The following SMIM19 variants were observed in gnomAD, a reference collection of about 807,000 sequenced individuals.
The protein encoded by SMIM19 is UPF0697 protein C8orf40.
In SMIM19, 6 loss-of-function variants were observed where a neutral mutation model predicts 13.2. That is an observed-to-expected ratio of 0.45 (90% CI 0.25 to 0.90). SMIM19 has a LOEUF of 0.90. Ranked by LOEUF, SMIM19 falls within the 40% of genes least tolerant of loss-of-function variation. SMIM19 has a pLI of 0.19. For missense variants in SMIM19, 138 were observed against 131.0 expected, an observed-to-expected ratio of 1.05 and a Z score of -0.26; for synonymous variants, 46 against 43.1, an observed-to-expected ratio of 1.07 and a Z score of -0.27.
At chr8:42,543,227 G>T (rs1423018812) in intron 1 of SMIM19, among the ~76,000 whole-genome samples, 1 of 152,196 alleles carries the variant, frequency 6.6e-6, no homozygotes, top group Non-Finnish European at 1.5e-5. Flanking sequence ...AGGTGTATGT[G>T]TGTACACTTG....
intron 2 of SMIM19, 185 bp from the exon 3 acceptor site, chr8:42,548,471 A>G (rs1359651693): frequency 1.4e-6 from 1 of 705,302 alleles, no homozygotes; most frequent in East Asian, 3.1e-5. Context: ...TCACAGCCTC[A>G]TACTTTTTAG....
intron 2 of SMIM19, 184 bp from the exon 3 acceptor site, chr8:42,548,472 T>A: frequency 1.4e-6 from 1 of 708,482 alleles, no homozygotes; most frequent in Non-Finnish European, 2.4e-6. Flanking sequence ...CACAGCCTCA[T>A]ACTTTTTAGT....
chr8:42,544,150 G>C (rs1056884473), intron 1 of SMIM19, among the ~76,000 whole-genome samples: 10 of 151,158 alleles, frequency 6.6e-5, no homozygotes, highest in Admixed American at 6.6e-4. Flanking sequence ...GGTGGCTCAC[G>C]CTTGTAATCC....
chr8:42,541,380 C>T (rs1206901659), upstream of SMIM19: 1 of 147,476 alleles, frequency 6.8e-6, no homozygotes, highest in Non-Finnish European at 1.5e-5. Flanking sequence ...GCCGGGGGCT[C>T]GCGGGAGGCG....
intron 2 of SMIM19, 159 bp from the exon 3 acceptor site, chr8:42,548,497 T>C (rs1407905536): frequency 1.1e-6 from 1 of 870,518 alleles, no homozygotes; most frequent in Admixed American, 2.0e-5. Flanking sequence ...GAAAGAATAC[T>C]TTGAGCCAAG....
intron 2 of SMIM19, among the ~76,000 whole-genome samples, chr8:42,547,602 G>GT (rs1259925954): frequency 7.9e-5 from 12 of 152,152 alleles, no homozygotes; most frequent in East Asian, 1.9e-4. Context: ...GCTTTTCCTT[G>GT]TTTTTTGTGC....
chr8:42,548,386 T>G, intron 2 of SMIM19: 1 of 511,226 alleles, frequency 2.0e-6, no homozygotes, highest in Non-Finnish European at 3.8e-6. Flanking sequence ...ATATTTGGCT[T>G]TTGGAGGATT....
At chr8:42,546,147 A>G (rs2131491226) in intron 1 of SMIM19, among the ~76,000 whole-genome samples, 1 of 152,346 alleles carries the variant, frequency 6.6e-6, no homozygotes, top group South Asian at 2.1e-4. Flanking sequence ...AATCATCTCT[A>G]AGCACTTACA....
At chr8:42,544,748 A>G (rs984111744) in intron 1 of SMIM19, among the ~76,000 whole-genome samples, 1 of 152,246 alleles carries the variant, frequency 6.6e-6, no homozygotes, top group Admixed American at 6.5e-5. Context: ...TGACAAAGTC[A>G]CGTTGTCAGA....
chr8:42,543,345 C>G (rs1381492876), intron 1 of SMIM19, among the ~76,000 whole-genome samples: 2 of 152,118 alleles, frequency 1.3e-5, no homozygotes, highest in Admixed American at 6.5e-5. Context: ...TTACTCCTGG[C>G]AGCCTTATAA....
chr8:42,545,559 C>T (rs1422099865), intron 1 of SMIM19, among the ~76,000 whole-genome samples: 1 of 152,128 alleles, frequency 6.6e-6, no homozygotes, highest in Non-Finnish European at 1.5e-5. Flanking sequence ...GAGATGGAGT[C>T]CCGCTCTGTC....
chr8:42,542,798 C>T lies in SMIM19; in HGVS notation c.-5+425C>T, dbSNP rs1425528123. On this transcript the variant is annotated intron_variant, in intron 1 of 3. Coordinates refer to ENST00000417410, the MANE Select transcript of SMIM19 (RefSeq NM_001135674.2). ...GCAGTATAGTGAGACGACCCCCACC[C>T]CACCCCCGTCTTTAAAAAAAAAAAA... 6.1e-5 allele frequency among the ~76,000 whole-genome samples: 9 copies of T among 147,976 alleles called. No individual in the cohort carries two copies. In the East Asian group the frequency reaches 1.8e-3, roughly 29 times the overall value.
rs1813761939 is a variant in SMIM19, at chr8:42,554,423, G to C, written c.*1815G>C. 6.6e-6 allele frequency: 1 copy of C among 152,192 alleles called. No individual in the cohort carries two copies. The highest frequency in any genetic ancestry group is 1.5e-5 in the Non-Finnish European group (1 of 68,040). The allele number at this position is 152,192 out of a possible 1,614,324, so 9.4% of individuals were successfully genotyped here. A position where few individuals can be genotyped will look rare whatever the true frequency, so the allele number is the denominator to read the frequency against. Reference sequence around the variant, plus strand: ...CAAATTACACAAACTGGCTATCTCAGATGTGTAAAATTAATGTACATAAAT... The same window carrying C: ...CAAATTACACAAACTGGCTATCTCACATGTGTAAAATTAATGTACATAAAT... On this transcript the variant is annotated 3_prime_UTR_variant, in exon 4 of 4. Coordinates refer to ENST00000417410, the MANE Select transcript of SMIM19 (RefSeq NM_001135674.2).
rs1321816068 is a variant in SMIM19 at position 42,554,966 on chromosome 8, G to C, written c.*2358G>C. ...CCAGCTGCGTGAAGGGGAGAAGGCC[G>C]CCTCCAAGGACACAGATGTTTGCTG... On this transcript the variant is annotated 3_prime_UTR_variant, in exon 4 of 4. Coordinates refer to ENST00000417410, the MANE Select transcript of SMIM19 (RefSeq NM_001135674.2). 6.6e-6 allele frequency: 1 copy of C among 152,190 alleles called. No homozygotes were observed. Among genetic ancestry groups the C allele is most frequent in the East Asian group, 1.9e-4 (1 of 5,200 alleles). 9.4% of individuals were successfully genotyped at this position (152,190 alleles called of 1,614,324 possible). A position where few individuals can be genotyped will look rare whatever the true frequency, so the allele number is the denominator to read the frequency against.
At chr8:42,551,029 AAG>A (rs1308149965) in intron 3 of SMIM19, among the ~76,000 whole-genome samples, 3 of 152,126 alleles carry the variant, frequency 2.0e-5, no homozygotes, top group Non-Finnish European at 4.4e-5. Flanking sequence ...AAAAACTTAG[AAG>A]AGATTGGCCA....
In SMIM19 at chr8:42,554,673, TG is replaced by T; in HGVS notation, c.*2069del. The T allele has an allele frequency of 6.6e-6, 1 of 152,216 alleles. No homozygotes were observed. The highest frequency in any genetic ancestry group is 1.5e-5 in the Non-Finnish European group (1 of 68,056). The allele number at this position is 152,216 out of a possible 1,614,324, so 9.4% of individuals were successfully genotyped here. ...CTCTTCCCTGCTTCAACAGCTGAAT[TG>T]GGGAGAGCGCAAGCCCTGCAGCCAC... On this transcript the variant is annotated 3_prime_UTR_variant, in exon 4 of 4. Coordinates refer to ENST00000417410, the MANE Select transcript of SMIM19 (RefSeq NM_001135674.2).
chr8:42,548,610 A>G (rs779906486), intron 2 of SMIM19, 46 bp from the exon 3 acceptor site: 5 of 1,609,460 alleles, frequency 3.1e-6, no homozygotes, highest in East Asian at 2.2e-5. Context: ...TTACAACTCT[A>G]TAGACATTAA....
chr8:42,545,731 A>T (rs550481747), intron 1 of SMIM19, among the ~76,000 whole-genome samples: 1 of 152,270 alleles, frequency 6.6e-6, no homozygotes, highest in South Asian at 2.1e-4. Context: ...GGGTTTCACC[A>T]TGTTAGCCAG....
intron 1 of SMIM19, 117 bp downstream of exon 1, chr8:42,542,490 G>T: frequency 1.0e-6 from 1 of 984,768 alleles, no homozygotes; most frequent in Non-Finnish European, 1.2e-6. Flanking sequence ...GAACTAAGTG[G>T]TTCCAATGTG....
Sources: gnomAD v4.1 joint callset for allele counts (sites outside exome capture counted in the v4.1 genomes callset) on GRCh38, gnomAD v4.1.1 for gene constraint, MANE v1.5 for transcripts, NCBI Gene and HGNC (gene_info 2026-07-23, HGNC 2026-07-21) for gene names.